Variants in QSER1 observed in about 807,000 individuals in gnomAD.
The protein encoded by QSER1 is glutamine and serine rich 1, also known as glutamine and serine-rich protein 1.
In QSER1, 49 loss-of-function variants were observed where a neutral mutation model predicts 158.5. The ratio of observed to expected loss-of-function variants is 0.31; its 90% CI spans 0.25 to 0.39. The LOEUF (loss-of-function observed/expected upper bound fraction) is 0.39. Ranked by LOEUF, QSER1 falls within the 10% of genes least tolerant of loss-of-function variation. The pLI is 1.00. For missense variants in QSER1, 1,754 were observed against 2,010.3 expected, an observed-to-expected ratio of 0.87 and a Z score of 2.44; for synonymous variants, 650 against 715.5, an observed-to-expected ratio of 0.91 and a Z score of 1.46.
At chr11:32,912,200 C>T (rs1334155944) in intron 1 of QSER1, among the ~76,000 whole-genome samples, 1 of 152,188 alleles carries the variant, frequency 6.6e-6, no homozygotes, top group East Asian at 1.9e-4. Context: ...TTTCTCACAA[C>T]ATGTCTCTTT....
At chr11:32,905,634 C>G (rs1851682396) in intron 1 of QSER1, among the ~76,000 whole-genome samples, 1 of 152,078 alleles carries the variant, frequency 6.6e-6, no homozygotes, top group Non-Finnish European at 1.5e-5. Flanking sequence ...TTTTAAACAG[C>G]AAGTTTTTGA....
At chr11:32,973,348 T>A (rs1048122637) in intron 10 of QSER1, 49 bp from the exon 11 acceptor site, 2 of 1,596,778 alleles carry the variant, frequency 1.3e-6, no homozygotes, top group Non-Finnish European at 1.7e-6. Context: ...AGAAGTAGTT[T>A]AGGTTAGTTT....
At chr11:32,898,922 G>A (rs919950004) in intron 1 of QSER1, among the ~76,000 whole-genome samples, 2 of 152,004 alleles carry the variant, frequency 1.3e-5, no homozygotes, top group Admixed American at 6.6e-5. Flanking sequence ...TTCATACATC[G>A]TCTTACCTTC....
intron 8 of QSER1, among the ~76,000 whole-genome samples, chr11:32,964,525 T>TC (rs953212859): frequency 6.6e-6 from 1 of 151,518 alleles, no homozygotes; most frequent in Non-Finnish European, 1.5e-5. Context: ...GGTCTTGGGG[T>TC]CCCCCCTGGG....
intron 1 of QSER1, among the ~76,000 whole-genome samples, chr11:32,919,037 A>G (rs1182826008): frequency 6.6e-6 from 1 of 152,234 alleles, no homozygotes. Context: ...CAATATTAAT[A>G]CAGTATTATT....
intron 1 of QSER1, among the ~76,000 whole-genome samples, chr11:32,925,637 C>G (rs1484864055): frequency 6.6e-6 from 1 of 151,896 alleles, no homozygotes; most frequent in African/African-American, 2.4e-5. Flanking sequence ...AAGTGATTCT[C>G]GTGCCTCAAC....
chr11:32,956,636 T>C (rs1852518421), intron 7 of QSER1, among the ~76,000 whole-genome samples: 1 of 152,172 alleles, frequency 6.6e-6, no homozygotes. Flanking sequence ...GTGGTCTGCA[T>C]GAGAAGCAGG....
chr11:32,921,586 G>A (rs1446210613), intron 1 of QSER1, among the ~76,000 whole-genome samples: 1 of 152,114 alleles, frequency 6.6e-6, no homozygotes, highest in East Asian at 1.9e-4. Context: ...CAAAATACAT[G>A]TAAGAATTAT....
chr11:32,902,379 G>A (rs1186918269), intron 1 of QSER1, among the ~76,000 whole-genome samples: 4 of 152,162 alleles, frequency 2.6e-5, no homozygotes, highest in Admixed American at 2.6e-4. Context: ...GGTCTTGGGT[G>A]GAGCTCAAGA....
chr11:32,968,071 G>T (rs1852781900), intron 9 of QSER1, among the ~76,000 whole-genome samples: 1 of 152,102 alleles, frequency 6.6e-6, no homozygotes, highest in Admixed American at 6.5e-5. Context: ...TATTTTGAAA[G>T]ATTTTTAAAA....
At chr11:32,897,578 C>G (rs1452081632) in intron 1 of QSER1, among the ~76,000 whole-genome samples, 1 of 152,160 alleles carries the variant, frequency 6.6e-6, no homozygotes, top group Non-Finnish European at 1.5e-5. Context: ...CCTCTTCTGT[C>G]TAATCTCTGC....
intron 8 of QSER1, among the ~76,000 whole-genome samples, chr11:32,964,763 C>T (rs938272004): frequency 6.2e-5 from 9 of 144,586 alleles, no homozygotes; most frequent in African/African-American, 2.1e-4. Flanking sequence ...CACACACACA[C>T]ACACACACAC....
intron 11 of QSER1, among the ~76,000 whole-genome samples, chr11:32,974,647 T>C (rs1852939546): frequency 6.6e-6 from 1 of 152,294 alleles, no homozygotes; most frequent in Non-Finnish European, 1.5e-5. Context: ...GCCTATAGTA[T>C]GCCAAGTACA....
At position 32,955,323 on chromosome 11, in the gene QSER1, C is replaced by G. The variant is rs1282011657; in HGVS notation, c.4528C>G (p.Pro1510Ala). The G allele has an allele frequency of 6.3e-7, 1 of 1,594,618 alleles. No homozygotes were observed. Among genetic ancestry groups the G allele is most frequent in the Non-Finnish European group, 8.5e-7 (1 of 1,172,196 alleles). The change falls in exon 6 of 13, where the codon CCA becomes GCA. Residue 1510 changes from proline to alanine, a missense_variant. Transcript: ENST00000650167. ...KEALKTGKEPPAIWKVQKALL... is the reference protein window; with the variant it reads ...KEALKTGKEPAAIWKVQKALL... ...GGCTTTAAAAACAGGAAAAGAACCTCCAGCTATTTGGAAAGTACAAAAAGC... is the reference window on the plus strand; with the variant it reads ...GGCTTTAAAAACAGGAAAAGAACCTGCAGCTATTTGGAAAGTACAAAAAGC...
intron 6 of QSER1, 62 bp from the exon 7 acceptor site, chr11:32,955,926 A>G: frequency 6.8e-7 from 1 of 1,478,508 alleles, no homozygotes; most frequent in Non-Finnish European, 9.2e-7. Context: ...CAATTGAACA[A>G]ACAAAGTAGC....
chr11:32,975,750 G>T, intron 12 of QSER1: 1 of 694,746 alleles, frequency 1.4e-6, no homozygotes, highest in Non-Finnish European at 1.9e-6. Context: ...CAGAGAAGTG[G>T]GGTTTTGTGC....
chr11:32,909,414 G>A (rs1469163829), intron 1 of QSER1, among the ~76,000 whole-genome samples: 1 of 151,530 alleles, frequency 6.6e-6, no homozygotes, highest in African/African-American at 2.4e-5. Context: ...TTCAGCAGTT[G>A]GTAGCCAAGT....
intron 1 of QSER1, among the ~76,000 whole-genome samples, chr11:32,923,443 G>A (rs997678361): frequency 1.3e-5 from 2 of 152,022 alleles, no homozygotes; most frequent in African/African-American, 4.8e-5. Flanking sequence ...GGAGGCCGAA[G>A]TGGGCAGATC....
At chr11:32,899,223 T>G (rs1288589996) in intron 1 of QSER1, among the ~76,000 whole-genome samples, 1 of 152,244 alleles carries the variant, frequency 6.6e-6, no homozygotes, top group African/African-American at 2.4e-5. Context: ...TAGTTGGTGC[T>G]TAATACATAC....
Sources: gnomAD v4.1 joint callset for allele counts (sites outside exome capture counted in the v4.1 genomes callset) on GRCh38, gnomAD v4.1.1 for gene constraint, MANE v1.5 for transcripts, NCBI Gene and HGNC (gene_info 2026-07-23, HGNC 2026-07-21) for gene names.